The following UBE2E2 variants were observed in gnomAD, a reference collection of about 807,000 sequenced individuals.
The protein encoded by UBE2E2 is ubiquitin conjugating enzyme E2 E2.
In UBE2E2, 6 loss-of-function variants were observed where a neutral mutation model predicts 24.7. The ratio of observed to expected loss-of-function variants is 0.24; its 90% CI spans 0.13 to 0.48. UBE2E2 has a LOEUF of 0.48. Among genes scored for constraint, UBE2E2 ranks in the 20% least tolerant of loss-of-function variants. The probability of loss-of-function intolerance (pLI) is 0.99; values close to 1 mark genes in which losing one functional copy is unlikely to be tolerated. For synonymous variants in UBE2E2, 104 were observed against 83.6 expected, an observed-to-expected ratio of 1.24 and a Z score of -1.33; for missense variants, 169 against 245.0, an observed-to-expected ratio of 0.69 and a Z score of 2.07.
chr3:23,251,684 A>G (rs777166465), intron 3 of UBE2E2, among the ~76,000 whole-genome samples: 2 of 152,252 alleles, frequency 1.3e-5, no homozygotes, highest in Non-Finnish European at 2.9e-5. Flanking sequence ...TATTCAAACC[A>G]TAAAGCATGT....
At chr3:23,246,387 A>ATTT (rs35802594) in intron 3 of UBE2E2, among the ~76,000 whole-genome samples, 8 of 122,472 alleles carry the variant, frequency 6.5e-5, no homozygotes, top group South Asian at 2.6e-4. Context: ...TGCCTGGCTA[A>ATTT]TTTTTTTTTT....
At chr3:23,487,981 G>C (rs1699413363) in intron 3 of UBE2E2, among the ~76,000 whole-genome samples, 1 of 146,988 alleles carries the variant, frequency 6.8e-6, no homozygotes, top group African/African-American at 2.5e-5. Flanking sequence ...GATTGTGTAA[G>C]GAATATTTAA....
At chr3:23,288,886 C>A (rs1698688144) in intron 3 of UBE2E2, among the ~76,000 whole-genome samples, 1 of 152,190 alleles carries the variant, frequency 6.6e-6, no homozygotes, top group South Asian at 2.1e-4. Context: ...GCTATCCCTC[C>A]CCCAAGAATA....
chr3:23,504,211 A>G (rs758850606), intron 4 of UBE2E2, among the ~76,000 whole-genome samples: 1 of 152,186 alleles, frequency 6.6e-6, no homozygotes, highest in African/African-American at 2.4e-5. Flanking sequence ...TTACTTTTTA[A>G]TCTAATGTTA....
At chr3:23,331,647 G>A (rs961851746) in intron 3 of UBE2E2, among the ~76,000 whole-genome samples, 7 of 152,046 alleles carry the variant, frequency 4.6e-5, no homozygotes, top group Non-Finnish European at 8.8e-5. Context: ...GTAGAAAAGG[G>A]CATGCTGACA....
intron 5 of UBE2E2, among the ~76,000 whole-genome samples, chr3:23,556,454 T>TTA (rs1553620573): frequency 2.1e-5 from 2 of 94,342 alleles, no homozygotes; most frequent in Non-Finnish European, 4.2e-5. Context: ...AAAATTTATT[T>TTA]AAAAAAAAAA....
chr3:23,219,326 GTTAC>G (rs1490321977), intron 3 of UBE2E2, among the ~76,000 whole-genome samples: 3 of 152,128 alleles, frequency 2.0e-5, no homozygotes, highest in Non-Finnish European at 2.9e-5. Context: ...GTGTGCTTGT[GTTAC>G]TTAATATGGA....
intron 3 of UBE2E2, among the ~76,000 whole-genome samples, chr3:23,286,926 T>C (rs543953268): frequency 6.6e-6 from 1 of 152,298 alleles, no homozygotes; most frequent in South Asian, 2.1e-4. Context: ...AATTACACTT[T>C]TAATTTCTTT....
intron 3 of UBE2E2, among the ~76,000 whole-genome samples, chr3:23,262,503 A>C (rs1414029855): frequency 6.6e-6 from 1 of 151,990 alleles, no homozygotes; most frequent in Non-Finnish European, 1.5e-5. Context: ...CTGGTCTCAA[A>C]CTTCTGGCTT....
chr3:23,357,012 G>T (rs1307200708), intron 3 of UBE2E2, among the ~76,000 whole-genome samples: 3 of 152,334 alleles, frequency 2.0e-5, no homozygotes, highest in Admixed American at 2.0e-4. Context: ...CTTTGATCTT[G>T]TGGCACCATG....
At chr3:23,588,027 G>C (rs957214994) in intron 5 of UBE2E2, among the ~76,000 whole-genome samples, 4 of 152,206 alleles carry the variant, frequency 2.6e-5, no homozygotes, top group African/African-American at 9.6e-5. Context: ...TTGTTATCAT[G>C]AGCTTCAGCA....
chr3:23,433,402 G>A (rs1477830642), intron 3 of UBE2E2, among the ~76,000 whole-genome samples: 4 of 151,948 alleles, frequency 2.6e-5, no homozygotes, highest in Non-Finnish European at 4.4e-5. Flanking sequence ...TAGTGATAGA[G>A]TTCTTGAGTG....
intron 5 of UBE2E2, among the ~76,000 whole-genome samples, chr3:23,564,037 G>GT (rs80166846): frequency 0.27 from 40,477 of 150,578 alleles, 5,483 homozygotes; most frequent in East Asian, 0.35. Flanking sequence ...GGTTTTTTCT[G>GT]TTTTTTTTTA....
At chr3:23,447,947 AGC>A (rs1698470655) in intron 3 of UBE2E2, among the ~76,000 whole-genome samples, 2 of 152,222 alleles carry the variant, frequency 1.3e-5, no homozygotes, top group African/African-American at 4.8e-5. Flanking sequence ...AGGCCAAAAC[AGC>A]CTTGCAGCTG....
chr3:23,534,536 A>C (rs1695207896), intron 5 of UBE2E2, among the ~76,000 whole-genome samples: 1 of 152,236 alleles, frequency 6.6e-6, no homozygotes, highest in African/African-American at 2.4e-5. Flanking sequence ...TGTAAAATAC[A>C]TGCTAACATT....
intron 3 of UBE2E2, among the ~76,000 whole-genome samples, chr3:23,486,181 C>T (rs74509211): frequency 0.029 from 4,389 of 152,274 alleles, 109 homozygotes; most frequent in East Asian, 0.13. Context: ...GAGGTCTGCC[C>T]ACTGTGCACA....
intron 3 of UBE2E2, among the ~76,000 whole-genome samples, chr3:23,253,480 A>T (rs1038130058): frequency 1.1e-4 from 16 of 152,346 alleles, no homozygotes; most frequent in African/African-American, 3.8e-4. Context: ...GAAATTGTAC[A>T]TAGTGCTGCT....
At chr3:23,490,311 G>A (rs572230432) in intron 3 of UBE2E2, among the ~76,000 whole-genome samples, 133 of 152,294 alleles carry the variant, frequency 8.7e-4, no homozygotes, top group African/African-American at 2.9e-3. Flanking sequence ...TCAGATAAGA[G>A]ATACTTAACC....
chr3:23,247,888 A>G (rs1162162718), intron 3 of UBE2E2, among the ~76,000 whole-genome samples: 1 of 152,158 alleles, frequency 6.6e-6, no homozygotes, highest in Non-Finnish European at 1.5e-5. Context: ...GTGGTTCTCC[A>G]TTTTGATTCA....
Sources: gnomAD v4.1 joint callset for allele counts (sites outside exome capture counted in the v4.1 genomes callset) on GRCh38, gnomAD v4.1.1 for gene constraint, MANE v1.5 for transcripts, NCBI Gene and HGNC (gene_info 2026-07-23, HGNC 2026-07-21) for gene names.